The following HP1BP3 variants were observed in gnomAD, a reference collection of about 807,000 sequenced individuals.
HP1BP3 encodes the protein heterochromatin protein 1 binding protein 3.
In HP1BP3, 12 loss-of-function variants were observed where a neutral mutation model predicts 62.5. The observed-to-expected ratio is 0.19, with a 90% CI of 0.12 to 0.31. The LOEUF is 0.31. HP1BP3 is among the 10% of genes least tolerant of loss of function. The pLI is 1.00. For missense variants in HP1BP3, 502 were observed against 651.8 expected (o/e 0.77, Z 2.50); for synonymous variants, 260 against 237.8 (o/e 1.09, Z -0.86).
intron 10 of HP1BP3, 95 bp downstream of exon 10, chr1:20,749,628 G>C: frequency 1.6e-6 from 2 of 1,224,176 alleles, no homozygotes; most frequent in South Asian, 1.5e-5. Flanking sequence ...CAAAGTGCTG[G>C]GATTACAGGC....
At chr1:20,749,928 C>T in intron 9 of HP1BP3, 46 bp from the exon 10 acceptor site, 1 of 1,586,550 alleles carries the variant, frequency 6.3e-7, no homozygotes, top group Non-Finnish European at 8.6e-7. Context: ...AACACTCTCC[C>T]AAAGCAGGTC....
chr1:20,773,743 A>G (rs1309800000), intron 4 of HP1BP3, 133 bp from the exon 5 acceptor site: 3 of 544,764 alleles, frequency 5.5e-6, no homozygotes, highest in South Asian at 5.4e-5. Flanking sequence ...GACATGTACC[A>G]TAAGCAAAAT....
rs1248252777 is a variant in HP1BP3 at position 20,742,475 on chromosome 1, TTAAG to T, written c.*2318_*2321del. On this transcript the variant is annotated 3_prime_UTR_variant, in exon 13 of 13. Transcript: ENST00000438032. ...AATGATTTTTTAAACCTTTGATTCA[TTAAG>T]TAATTAGCATTCAATGTATCTGGAA... Among the ~76,000 whole-genome samples, 1 of 152,218 alleles carries T rather than the reference TTAAG, an allele frequency of 6.6e-6. No individual in the cohort carries two copies. Among genetic ancestry groups the T allele is most frequent in the Non-Finnish European group, 1.5e-5 (1 of 68,032 alleles).
chr1:20,758,307 G>C (rs935745662), intron 8 of HP1BP3, among the ~76,000 whole-genome samples: 1 of 152,074 alleles, frequency 6.6e-6, no homozygotes, highest in Non-Finnish European at 1.5e-5. Flanking sequence ...TCTAAGAAGT[G>C]CTTCGCACAT....
intron 5 of HP1BP3, among the ~76,000 whole-genome samples, chr1:20,772,824 C>T (rs2057119374): frequency 6.6e-6 from 1 of 152,074 alleles, no homozygotes; most frequent in Admixed American, 6.5e-5. Context: ...TAGAAGATAA[C>T]CTTTAAAAAT....
At chr1:20,760,049 C>T (rs1557651226) in intron 8 of HP1BP3, among the ~76,000 whole-genome samples, 2 of 151,924 alleles carry the variant, frequency 1.3e-5, no homozygotes, top group Non-Finnish European at 2.9e-5. Flanking sequence ...CCACCATGCC[C>T]GGCTAATTTT....
chr1:20,781,683 G>A (rs2154541568), intron 1 of HP1BP3, among the ~76,000 whole-genome samples: 1 of 152,212 alleles, frequency 6.6e-6, no homozygotes, highest in Admixed American at 6.5e-5. Context: ...CTGGAGTGCG[G>A]TGGCACGATC....
intron 6 of HP1BP3, among the ~76,000 whole-genome samples, chr1:20,769,945 A>G (rs1261262582): frequency 6.6e-6 from 1 of 152,218 alleles, no homozygotes; most frequent in African/African-American, 2.4e-5. Flanking sequence ...AAAAAACTTA[A>G]CAAGACTCTA....
chr1:20,780,414 T>A lies in HP1BP3; in HGVS notation c.27A>T (p.Glu9Asp). Residue 9 changes from glutamate to aspartate, a missense_variant, in exon 2 of 13, where the codon GAA becomes GAT. Physicochemically the swap from Glu to Asp is conservative, Grantham distance 45. Transcript: ENST00000438032. ...GTGGGAGTGCCTTAGGATGGACGAG[T>A]TCACCTTGAGACGTATCAGTCGCCA... MATDTSQGELVHPKALPLI... is the reference protein window; with the variant it reads MATDTSQGDLVHPKALPLI... 6.2e-7 allele frequency: 1 copy of A among 1,613,570 alleles called. No individual in the cohort carries two copies. The highest frequency in any genetic ancestry group is 8.5e-7 in the Non-Finnish European group (1 of 1,179,668).
chr1:20,765,328 TA>T, intron 8 of HP1BP3, 48 bp downstream of exon 8: 1 of 1,308,800 alleles, frequency 7.6e-7, no homozygotes, highest in Non-Finnish European at 1.0e-6. Context: ...AAAAGGGAGC[TA>T]AAGGAAGTAA....
rs780648876 is a variant in HP1BP3, at chr1:20,779,885, A to G, written c.123T>C (p.Ile41=). ...CCCGGGTAGAATTCACAGTTCGACG[A>G]ATCGGCATGGTGCTATCTTCTACCT... The part of the protein sequence containing the change: ...GEKVEDSTMP[I]RRTVNSTRET... Residue 41 remains isoleucine, a synonymous_variant, in exon 3 of 13, where the codon ATT becomes ATC. Coordinates refer to ENST00000438032, the MANE Select transcript of HP1BP3 (RefSeq NM_001372052.1). 3.7e-6 allele frequency: 6 copies of G among 1,613,566 alleles called. No individual in the cohort carries two copies. The highest frequency in any genetic ancestry group is 5.1e-6 in the Non-Finnish European group (6 of 1,179,800).
chr1:20,747,798 GTAT>G (rs2055434541), intron 10 of HP1BP3, 143 bp from the exon 11 acceptor site: 2 of 596,636 alleles, frequency 3.4e-6, no homozygotes, highest in Non-Finnish European at 6.0e-6. Flanking sequence ...GTGTTCAAAG[GTAT>G]TTAATTAAAC....
chr1:20,757,496 C>T (rs113979646), intron 8 of HP1BP3, among the ~76,000 whole-genome samples: 181 of 151,846 alleles, frequency 1.2e-3, no homozygotes, highest in African/African-American at 4.3e-3. Context: ...CTCAGCCTCC[C>T]GAGTAGCTGG....
At chr1:20,784,117 G>A (rs1301321255) in intron 1 of HP1BP3, among the ~76,000 whole-genome samples, 2 of 151,806 alleles carry the variant, frequency 1.3e-5, no homozygotes, top group African/African-American at 2.4e-5. Flanking sequence ...CTACAGGCAC[G>A]CACCGCCATG....
chr1:20,748,416 C>CT (rs982181177), intron 10 of HP1BP3, among the ~76,000 whole-genome samples: 4 of 152,208 alleles, frequency 2.6e-5, no homozygotes, highest in Admixed American at 6.5e-5. Flanking sequence ...AACTGAAAGG[C>CT]TTGTTAACCA....
At chr1:20,780,600 C>A in intron 1 of HP1BP3, 60 bp from the exon 2 acceptor site, 1 of 587,016 alleles carries the variant, frequency 1.7e-6, no homozygotes, top group South Asian at 2.3e-5. Context: ...ACTAAAACGT[C>A]TAAATTTAAT....
chr1:20,782,027 T>C (rs1474674773), intron 1 of HP1BP3, among the ~76,000 whole-genome samples: 5 of 152,260 alleles, frequency 3.3e-5, no homozygotes, highest in African/African-American at 1.2e-4. Context: ...TTATCCTTAG[T>C]AAAGTTATAT....
At chr1:20,773,383 G>A in intron 5 of HP1BP3, 68 bp downstream of exon 5, 3 of 1,382,104 alleles carry the variant, frequency 2.2e-6, no homozygotes, top group Non-Finnish European at 3.0e-6. Flanking sequence ...ACAGATATAT[G>A]CCATTTTCAA....
At chr1:20,786,844 G>A (rs982644760) in intron 1 of HP1BP3, among the ~76,000 whole-genome samples, 1 of 152,038 alleles carries the variant, frequency 6.6e-6, no homozygotes, top group Non-Finnish European at 1.5e-5. Context: ...ATCGGGGCGG[G>A]CAGAGGACGC....
Sources: gnomAD v4.1 joint callset for allele counts (sites outside exome capture counted in the v4.1 genomes callset) on GRCh38, gnomAD v4.1.1 for gene constraint, MANE v1.5 for transcripts, NCBI Gene and HGNC (gene_info 2026-07-23, HGNC 2026-07-21) for gene names.